MTA3: variants seen among roughly 807,000 people sequenced by gnomAD.
MTA3 encodes the protein metastasis-associated protein MTA3.
In MTA3, 34 loss-of-function variants were observed where a neutral mutation model predicts 83.5. The ratio of observed to expected loss-of-function variants is 0.41; its 90% CI spans 0.31 to 0.54. The LOEUF is 0.54. MTA3 is among the 20% of genes least tolerant of loss of function. MTA3 has a pLI of 0.33. For missense variants in MTA3, 761 were observed against 726.4 expected (o/e 1.05, Z -0.55); for synonymous variants, 303 against 252.7 (o/e 1.20, Z -1.89).
intron 2 of MTA3, among the ~76,000 whole-genome samples, chr2:42,552,808 G>C (rs999188807): frequency 6.6e-6 from 1 of 152,014 alleles, no homozygotes; most frequent in East Asian, 1.9e-4. Flanking sequence ...AAATTAGCCA[G>C]GTGTGGCGGC....
At chr2:42,634,409 T>TA (rs1270356347) in intron 4 of MTA3, among the ~76,000 whole-genome samples, 1 of 152,144 alleles carries the variant, frequency 6.6e-6, no homozygotes, top group African/African-American at 2.4e-5. Flanking sequence ...TCAGGCAACT[T>TA]ACAATCATGG....
intron 14 of MTA3, among the ~76,000 whole-genome samples, chr2:42,714,703 A>G (rs551911449): frequency 7.9e-5 from 12 of 152,164 alleles, no homozygotes; most frequent in Admixed American, 5.9e-4. Context: ...ATGGAAGACA[A>G]TTTTTTCATG....
At chr2:42,508,033 T>A (rs1674718326) in intron 2 of MTA3, among the ~76,000 whole-genome samples, 2 of 151,970 alleles carry the variant, frequency 1.3e-5, no homozygotes, top group African/African-American at 4.8e-5. Context: ...CTGAGGCCCA[T>A]TCTTGCTGGT....
At chr2:42,496,608 GAAAAAAAAA>G (rs35316146) in intron 2 of MTA3, among the ~76,000 whole-genome samples, 4 of 122,046 alleles carry the variant, frequency 3.3e-5, no homozygotes, top group African/African-American at 6.2e-5. Context: ...CAGAACCTAG[GAAAAAAAAA>G]AAAAAAAAAA....
At chr2:42,597,248 A>G (rs1681910616) in intron 3 of MTA3, among the ~76,000 whole-genome samples, 1 of 151,870 alleles carries the variant, frequency 6.6e-6, no homozygotes, top group South Asian at 2.1e-4. Flanking sequence ...TTATTTTTGT[A>G]GAAATGGGGT....
At chr2:42,581,059 A>G (rs1679563980) in intron 3 of MTA3, among the ~76,000 whole-genome samples, 1 of 151,908 alleles carries the variant, frequency 6.6e-6, no homozygotes, top group Non-Finnish European at 1.5e-5. Flanking sequence ...GTTGTCTCAT[A>G]AGTTAAATTC....
At chr2:42,686,596 G>T (rs1004513722) in intron 9 of MTA3, among the ~76,000 whole-genome samples, 1 of 151,788 alleles carries the variant, frequency 6.6e-6, no homozygotes, top group East Asian at 1.9e-4. Flanking sequence ...AGGCCGAGGC[G>T]GGCGGATCAC....
chr2:42,585,565 C>T lies in MTA3; in HGVS notation c.190+6365C>T, dbSNP rs368538481. Among the ~76,000 whole-genome samples the T allele has an allele frequency of 5.0e-4, 76 of 150,528 alleles. 2 individuals are homozygous for T. In the South Asian group the frequency reaches 0.012, roughly 23 times the overall value. On this transcript the variant is annotated intron_variant, in intron 3 of 16. Transcript: ENST00000405094. ...TCTCAGCTCACTGCAACCTCCGCCT[C>T]GTGGGTTCAAGTGATTCGCCTGCCT...
intron 3 of MTA3, among the ~76,000 whole-genome samples, chr2:42,581,432 G>T (rs1679624092): frequency 6.9e-6 from 1 of 145,864 alleles, no homozygotes; most frequent in Non-Finnish European, 1.5e-5. Flanking sequence ...TGCAGTGGCA[G>T]GATCATAGCT....
chr2:42,708,909 C>T lies in MTA3; in HGVS notation c.1338C>T (p.Ala446=). ...TTAGAAGTCACGTGTCCCGCCAGGCCATGCAGGGAATGCCAGTCCGAAACA... is the reference window on the plus strand; with the variant it reads ...TTAGAAGTCACGTGTCCCGCCAGGCTATGCAGGGAATGCCAGTCCGAAACA... The part of the protein sequence containing the change: ...PRVRSHVSRQ[A]MQGMPVRNTG... The change falls in exon 14 of 17, where the codon GCC becomes GCT. Residue 446 remains alanine (A), a synonymous_variant. Transcript: ENST00000405094. 6.2e-7 allele frequency: 1 copy of T among 1,613,994 alleles called. No homozygotes were observed. The highest frequency in any genetic ancestry group is 8.5e-7 in the Non-Finnish European group (1 of 1,179,886).
At chr2:42,496,348 G>A (rs1338792326) in intron 2 of MTA3, among the ~76,000 whole-genome samples, 2 of 151,932 alleles carry the variant, frequency 1.3e-5, no homozygotes, top group Non-Finnish European at 2.9e-5. Context: ...TACCCAAATC[G>A]TTTTCTTAAA....
intron 16 of MTA3, among the ~76,000 whole-genome samples, chr2:42,729,094 T>TTG (rs1668046955): frequency 8.4e-6 from 1 of 118,834 alleles, no homozygotes; most frequent in Non-Finnish European, 1.7e-5. Context: ...GAGTTTTTTT[T>TTG]TTTTTTTTTT....
At chr2:42,705,093 C>T (rs1447179619) in intron 12 of MTA3, among the ~76,000 whole-genome samples, 1 of 152,116 alleles carries the variant, frequency 6.6e-6, no homozygotes, top group Non-Finnish European at 1.5e-5. Context: ...GTACATGTAG[C>T]CTACTGCCTT....
intron 4 of MTA3, among the ~76,000 whole-genome samples, chr2:42,614,674 T>C (rs1233270571): frequency 6.6e-6 from 1 of 152,072 alleles, no homozygotes; most frequent in Non-Finnish European, 1.5e-5. Flanking sequence ...GAATTCGGCT[T>C]TAAAATATTC....
chr2:42,710,162 A>G (rs1244368335), intron 14 of MTA3, among the ~76,000 whole-genome samples: 1 of 152,218 alleles, frequency 6.6e-6, no homozygotes, highest in Non-Finnish European at 1.5e-5. Context: ...TGATGACTGA[A>G]AAAAACATTT....
At chr2:42,508,764 AT>A (rs1674757250) in intron 2 of MTA3, among the ~76,000 whole-genome samples, 1 of 147,070 alleles carries the variant, frequency 6.8e-6, no homozygotes, top group Non-Finnish European at 1.5e-5. Flanking sequence ...ATTATATAGT[AT>A]TATATAATAT....
chr2:42,691,119 C>T (rs543181544), intron 9 of MTA3, among the ~76,000 whole-genome samples: 53 of 152,092 alleles, frequency 3.5e-4, no homozygotes, highest in East Asian at 1.4e-3. Flanking sequence ...TCAAGCAATC[C>T]GCCCGCCTCG....
chr2:42,738,611 A>G (rs552404275), intron 16 of MTA3, among the ~76,000 whole-genome samples: 3 of 152,360 alleles, frequency 2.0e-5, no homozygotes, highest in African/African-American at 7.2e-5. Context: ...ACAGGATAAC[A>G]GCAATTGTTC....
At position 42,755,412 on chromosome 2, in the gene MTA3, G is replaced by A. The variant is rs1049070037; in HGVS notation, c.*2013G>A. ...AGACAGGAGTCAGGCCAGGTCTGAA[G>A]CAGGAGAAGGGAGGCCCCTCCTATC... On this transcript the variant is annotated 3_prime_UTR_variant, in exon 17 of 17. Coordinates refer to ENST00000405094, the MANE Select transcript of MTA3 (RefSeq NM_001330442.2). 2.0e-6 allele frequency: 2 copies of A among 985,362 alleles called. No individual in the cohort carries two copies. The highest frequency in any genetic ancestry group is 6.1e-5 in the Admixed American group (1 of 16,270). The allele number at this position is 985,362 out of a possible 1,614,324, so 61.0% of individuals were successfully genotyped here.
Sources: allele counts gnomAD v4.1 joint callset (sites outside exome capture counted in the v4.1 genomes callset), GRCh38; gene constraint gnomAD v4.1.1; transcripts MANE v1.5; gene names NCBI Gene and HGNC (gene_info 2026-07-23, HGNC 2026-07-21).